Variants in TENM2 observed in about 807,000 individuals in gnomAD.
The protein encoded by TENM2 is teneurin transmembrane protein 2.
In TENM2, 52 loss-of-function variants were observed where a neutral mutation model predicts 245.2. The ratio of observed to expected loss-of-function variants is 0.21; its 90% CI spans 0.17 to 0.27. The LOEUF (loss-of-function observed/expected upper bound fraction) is 0.27, where lower values mean the gene tolerates loss of function less well. TENM2 is among the 10% of genes least tolerant of loss of function. The pLI is 1.00. For synonymous variants in TENM2, 1,363 were observed against 1,438.9 expected, an observed-to-expected ratio of 0.95 and a Z score of 1.19; for missense variants, 3,046 against 3,666.8, an observed-to-expected ratio of 0.83 and a Z score of 4.37.
intron 3 of TENM2, among the ~76,000 whole-genome samples, chr5:167,921,252 C>T (rs1198401156): frequency 2.0e-5 from 3 of 152,120 alleles, no homozygotes; most frequent in Non-Finnish European, 2.9e-5. Context: ...ATATTTATTA[C>T]ATTTGGATGT....
chr5:167,346,578 T>C (rs190384279), intron 1 of TENM2, among the ~76,000 whole-genome samples: 471 of 152,296 alleles, frequency 3.1e-3, no homozygotes, highest in Non-Finnish European at 5.4e-3. Flanking sequence ...CAGTGATAAA[T>C]TGCTCTTGTA....
the TENM2 span, among the ~76,000 whole-genome samples, chr5:167,091,232 C>A: frequency 6.6e-6 from 1 of 151,976 alleles, no homozygotes. Context: ...GGAACTTTTA[C>A]AAATGCAAAG....
intron 2 of TENM2, among the ~76,000 whole-genome samples, chr5:167,761,493 A>C (rs1762663669): frequency 6.6e-6 from 1 of 152,136 alleles, no homozygotes; most frequent in South Asian, 2.1e-4. Flanking sequence ...AGAAATATGG[A>C]CTGCTATTAG....
intron 3 of TENM2, among the ~76,000 whole-genome samples, chr5:167,930,584 C>T (rs1458628993): frequency 3.3e-5 from 5 of 152,120 alleles, no homozygotes; most frequent in African/African-American, 9.6e-5. Context: ...AAATGATCCT[C>T]CCACCTCAGC....
chr5:167,259,461 T>C, the TENM2 span, among the ~76,000 whole-genome samples: 1 of 152,180 alleles, frequency 6.6e-6, no homozygotes, highest in Non-Finnish European at 1.5e-5. Flanking sequence ...GTCAAATAAA[T>C]ATGTCTTCAT....
chr5:167,336,206 C>A, intron 1 of TENM2, among the ~76,000 whole-genome samples: 1 of 96,868 alleles, frequency 1.0e-5, no homozygotes, highest in Admixed American at 1.6e-4. Context: ...TTTTTCCGGT[C>A]AGGGTAAGGG....
intron 7 of TENM2, among the ~76,000 whole-genome samples, chr5:168,063,294 T>A (rs1297066385): frequency 2.0e-5 from 3 of 152,198 alleles, no homozygotes; most frequent in Non-Finnish European, 4.4e-5. Flanking sequence ...GCATTGGAAG[T>A]GAAGAGATTG....
At chr5:167,454,089 A>T (rs745871127) in intron 2 of TENM2, among the ~76,000 whole-genome samples, 2 of 152,086 alleles carry the variant, frequency 1.3e-5, no homozygotes, top group Non-Finnish European at 2.9e-5. Flanking sequence ...CAGTGCCCAT[A>T]ATCATATTAT....
intron 12 of TENM2, among the ~76,000 whole-genome samples, chr5:168,140,547 T>C (rs554083245): frequency 6.6e-5 from 10 of 152,180 alleles, no homozygotes; most frequent in Non-Finnish European, 1.3e-4. Context: ...TCTGTGTGCA[T>C]GCGTGTGTGT....
chr5:167,993,805 A>C (rs557836956), intron 5 of TENM2, among the ~76,000 whole-genome samples: 2 of 152,290 alleles, frequency 1.3e-5, no homozygotes, highest in African/African-American at 4.8e-5. Flanking sequence ...TGGACAGCTG[A>C]ATCTGAATCA....
intron 7 of TENM2, among the ~76,000 whole-genome samples, chr5:168,086,684 C>A (rs1792488120): frequency 6.6e-6 from 1 of 152,152 alleles, no homozygotes; most frequent in African/African-American, 2.4e-5. Flanking sequence ...TGGGTAGGAC[C>A]ACTACAGAGT....
chr5:167,082,545 C>T, the TENM2 span, among the ~76,000 whole-genome samples: 2 of 152,092 alleles, frequency 1.3e-5, no homozygotes, highest in Non-Finnish European at 2.9e-5. Context: ...CCTTGGCCTC[C>T]CAAATTGCTG....
the TENM2 span, among the ~76,000 whole-genome samples, chr5:167,090,284 G>GTT: frequency 1.8e-4 from 25 of 141,518 alleles, no homozygotes; most frequent in African/African-American, 5.6e-4. Context: ...CATTTCAAAG[G>GTT]TTTTTTTTTT....
chr5:168,187,801 G>A (rs1310409383), intron 13 of TENM2: 1 of 152,156 alleles, frequency 6.6e-6, no homozygotes, highest in East Asian at 1.9e-4. Flanking sequence ...ACAATCTCCA[G>A]TGCTGTTTCT....
chr5:167,342,174 T>G (rs559753771), intron 1 of TENM2, among the ~76,000 whole-genome samples: 4 of 152,286 alleles, frequency 2.6e-5, no homozygotes, highest in African/African-American at 9.6e-5. Context: ...TCTAATATCC[T>G]TTTCTGTTCC....
intron 2 of TENM2, among the ~76,000 whole-genome samples, chr5:167,827,611 G>A (rs1768075005): frequency 7.5e-6 from 1 of 133,132 alleles, no homozygotes; most frequent in African/African-American, 2.8e-5. Flanking sequence ...ATTTATTATG[G>A]CAAGGAGCTA....
At chr5:167,289,527 A>G (rs1754518790) in intron 1 of TENM2, among the ~76,000 whole-genome samples, 1 of 152,216 alleles carries the variant, frequency 6.6e-6, no homozygotes. Context: ...GTTAAAGCAA[A>G]GAGATAAATC....
At chr5:168,243,100 C>T (rs1471919415) in intron 25 of TENM2, among the ~76,000 whole-genome samples, 2 of 152,206 alleles carry the variant, frequency 1.3e-5, no homozygotes, top group South Asian at 2.1e-4. Context: ...TTTACATCAT[C>T]CCTTGCCTTC....
chr5:167,474,721 A>T (rs1039236762), intron 2 of TENM2, among the ~76,000 whole-genome samples: 1 of 151,986 alleles, frequency 6.6e-6, no homozygotes, highest in African/African-American at 2.4e-5. Context: ...TCGCCATGTT[A>T]GTCAGGCTGG....
Sources: gnomAD v4.1 joint callset for allele counts (sites outside exome capture counted in the v4.1 genomes callset) on GRCh38, gnomAD v4.1.1 for gene constraint, MANE v1.5 for transcripts, NCBI Gene and HGNC (gene_info 2026-07-23, HGNC 2026-07-21) for gene names.